The following FBXL13 variants were observed in gnomAD, a reference collection of about 807,000 sequenced individuals.
FBXL13 encodes the protein F-box and leucine rich repeat protein 13.
A neutral mutation model predicts 83.6 loss-of-function variants in FBXL13; 67 were observed. That is an observed-to-expected ratio of 0.80 (90% CI 0.66 to 0.98). The LOEUF is 0.98. Ranked by LOEUF, FBXL13 falls within the 50% of genes least tolerant of loss-of-function variation. FBXL13 has a pLI of 0.00. For missense variants in FBXL13, 822 were observed against 866.5 expected (o/e 0.95, Z 0.64); for synonymous variants, 272 against 299.5 (o/e 0.91, Z 0.95).
intron 6 of FBXL13, among the ~76,000 whole-genome samples, chr7:103,012,698 A>G (rs1238527714): frequency 6.6e-6 from 1 of 152,236 alleles, no homozygotes; most frequent in Non-Finnish European, 1.5e-5. Flanking sequence ...GCCACTATAA[A>G]AAAACACTAA....
chr7:103,007,511 T>C (rs1276342893), intron 6 of FBXL13, among the ~76,000 whole-genome samples: 2 of 152,102 alleles, frequency 1.3e-5, no homozygotes, highest in East Asian at 3.8e-4. Context: ...AAAATGCTTT[T>C]TCAGAAAAAT....
At chr7:102,883,493 A>G (rs1297794585) in intron 13 of FBXL13, 26 bp from the exon 15 acceptor site, 1 of 1,601,926 alleles carries the variant, frequency 6.2e-7, no homozygotes, top group Non-Finnish European at 8.5e-7. Flanking sequence ...AGAAGAAAAG[A>G]CAAGTATTGT....
Position 103,043,576 on chromosome 7 carries a change from A to G in FBXL13, c.-1+12068T>C, listed in dbSNP as rs144274913. ...GCCGAGGCCGGAGTCTAATGGCATG[A>G]TCTCAGCTCACTGCAACCTCAGCCT... On this transcript the variant is annotated intron_variant, in intron 2 of 19. Coordinates refer to ENST00000313221, the Ensembl canonical transcript of FBXL13. 3.9e-5 allele frequency among the ~76,000 whole-genome samples: 6 copies of G among 152,344 alleles called. No homozygotes were observed. In the East Asian group the frequency reaches 1.2e-3, roughly 29 times the overall value.
At chr7:102,926,184 G>A in intron 10 of FBXL13, 90 bp downstream of exon 11, 1 of 1,036,808 alleles carries the variant, frequency 9.6e-7, no homozygotes, top group Non-Finnish European at 1.4e-6. Context: ...TGTTGATAAA[G>A]GGAGCACTGC....
Position 102,892,615 on chromosome 7 carries a change from A to G in FBXL13, c.1009-8303T>C, listed in dbSNP as rs574275811. On this transcript the variant is annotated intron_variant, in intron 11 of 19. Transcript: ENST00000313221. ...GACTCATAACTACTTTTCCACTAGA[A>G]CTCCTCCTTATTAAATGATACTTAA... is the stretch of plus-strand genomic sequence containing the variant. Among the ~76,000 whole-genome samples, 5 of 152,256 alleles carry G rather than the reference A, an allele frequency of 3.3e-5. No individual in the cohort carries two copies. The East Asian group carries it at 9.7e-4, about 29-fold the overall frequency.
chr7:103,064,690 C>A (rs901024395), intron 1 of FBXL13, among the ~76,000 whole-genome samples: 4 of 152,206 alleles, frequency 2.6e-5, no homozygotes, highest in African/African-American at 9.7e-5. Context: ...TACCTCCCAT[C>A]ATGAAATGGG....
At chr7:102,843,513 G>A (rs528861574) in intron 17 of FBXL13, among the ~76,000 whole-genome samples, 3 of 152,070 alleles carry the variant, frequency 2.0e-5, no homozygotes, top group South Asian at 4.2e-4. Flanking sequence ...GGTGGCTCAC[G>A]TCTGTAATCC....
intron 19 of FBXL13, among the ~76,000 whole-genome samples, chr7:102,817,074 T>G (rs925931569): frequency 4.6e-5 from 7 of 152,232 alleles, no homozygotes; most frequent in Admixed American, 3.3e-4. Flanking sequence ...AACATACAAC[T>G]GCAGGTGTCT....
At chr7:103,017,922 T>A (rs1192562274) in intron 6 of FBXL13, among the ~76,000 whole-genome samples, 1 of 152,114 alleles carries the variant, frequency 6.6e-6, no homozygotes, top group Non-Finnish European at 1.5e-5. Context: ...CCAGGAGAAC[T>A]TCCCCAATCT....
At chr7:102,850,749 G>T (rs1173087241) in intron 17 of FBXL13, among the ~76,000 whole-genome samples, 4 of 152,074 alleles carry the variant, frequency 2.6e-5, no homozygotes, top group Admixed American at 2.6e-4. Context: ...TCCTCTCTGG[G>T]ATATTTGTTT....
At chr7:103,072,182 C>CAAA (rs879371785) in intron 1 of FBXL13, among the ~76,000 whole-genome samples, 1,511 of 114,328 alleles carry the variant, frequency 0.013, 24 homozygotes, top group African/African-American at 0.046. Flanking sequence ...GACTCTGTCT[C>CAAA]AAAAAAAAAA....
At chr7:102,925,581 A>G (rs1381734947) in intron 10 of FBXL13, among the ~76,000 whole-genome samples, 4 of 152,176 alleles carry the variant, frequency 2.6e-5, no homozygotes, top group Non-Finnish European at 5.9e-5. Flanking sequence ...ACAGGTAGCC[A>G]GAGCATGGGA....
At chr7:102,982,616 G>C (rs1828390031) in intron 6 of FBXL13, among the ~76,000 whole-genome samples, 1 of 152,148 alleles carries the variant, frequency 6.6e-6, no homozygotes, top group Admixed American at 6.5e-5. Flanking sequence ...TGGACCCATT[G>C]AGGCATTTCT....
intron 8 of FBXL13, among the ~76,000 whole-genome samples, chr7:102,939,877 T>C (rs565364871): frequency 3.3e-5 from 5 of 152,168 alleles, no homozygotes; most frequent in African/African-American, 9.6e-5. Flanking sequence ...TGGTCAATAG[T>C]ATACTAAAAT....
At chr7:102,968,105 G>C (rs758936730) in exon 7 of FBXL13, 1 of 1,611,080 alleles carries the variant, frequency 6.2e-7, no homozygotes, top group Non-Finnish European at 8.5e-7. Flanking sequence ...TTTAAACTGA[G>C]GTAGAAGAAA....
In FBXL13 at chr7:103,042,053, C is replaced by T. The variant is rs143482283; in HGVS notation, c.1-12635G>A. Among the ~76,000 whole-genome samples the T allele has an allele frequency of 7.0e-4, 107 of 152,128 alleles. 1 individual carries two copies. Among genetic ancestry groups the T allele is most frequent in the African/African-American group, 2.3e-3 (96 of 41,514 alleles). Reference sequence around the variant, plus strand: ...TCAAATTGTCTCTTTGCAGATGACACGACTGTATATTTAGAAAAACCCATT... The same window carrying T: ...TCAAATTGTCTCTTTGCAGATGACATGACTGTATATTTAGAAAAACCCATT... On this transcript the variant is annotated intron_variant, in intron 2 of 19. Transcript: ENST00000313221.
intron 18 of FBXL13, among the ~76,000 whole-genome samples, chr7:102,829,005 T>C (rs1800198131): frequency 1.3e-5 from 2 of 152,298 alleles, no homozygotes; most frequent in South Asian, 2.1e-4. Context: ...AGACTGAGGA[T>C]AGGGGGTACT....
At chr7:102,997,091 T>C (rs11982764) in intron 6 of FBXL13, among the ~76,000 whole-genome samples, 1,673 of 152,322 alleles carry the variant, frequency 0.011, 34 homozygotes, top group African/African-American at 0.039. Context: ...TATCCCTTTA[T>C]TCTTCTGTTC....
intron 2 of FBXL13, among the ~76,000 whole-genome samples, chr7:103,034,725 G>A (rs376205912): frequency 3.1e-4 from 47 of 152,364 alleles, no homozygotes; most frequent in African/African-American, 1.1e-3. Flanking sequence ...CGCCGAGAGC[G>A]AACGAGGGCT....
Sources: allele counts gnomAD v4.1 joint callset (sites outside exome capture counted in the v4.1 genomes callset), GRCh38; gene constraint gnomAD v4.1.1; transcripts MANE v1.5; gene names NCBI Gene and HGNC (gene_info 2026-07-23, HGNC 2026-07-21).